Variants in OTOA observed in about 807,000 individuals in gnomAD.
OTOA encodes cancer/testis antigen 108.
In OTOA, 70 loss-of-function variants were observed where a neutral mutation model predicts 110.8. The ratio of observed to expected loss-of-function variants is 0.63; its 90% CI spans 0.52 to 0.77. The LOEUF (loss-of-function observed/expected upper bound fraction) is 0.77. OTOA is among the 30% of genes least tolerant of loss of function. The pLI, the probability that OTOA is intolerant of heterozygous loss-of-function variation, is 0.00. For missense variants in OTOA, 917 were observed against 1,075.8 expected (o/e 0.85, Z 2.06); for synonymous variants, 373 against 431.5 (o/e 0.86, Z 1.68).
intron 18 of OTOA, among the ~76,000 whole-genome samples, chr16:21,724,721 G>T (rs1898859989): frequency 6.6e-6 from 1 of 151,964 alleles, no homozygotes; most frequent in East Asian, 1.9e-4. Context: ...TATCCCCATT[G>T]TCATTCTCTT....
chr16:21,722,379 C>G (rs1196609170), intron 17 of OTOA, among the ~76,000 whole-genome samples: 1 of 147,744 alleles, frequency 6.8e-6, no homozygotes, highest in Admixed American at 6.8e-5. Flanking sequence ...CTATATATAA[C>G]TATATGTATA....
chr16:21,681,779 C>T lies in OTOA; in HGVS notation c.221C>T (p.Ala74Val). ...WTDDLSHRVL[A>V]YLNSRNVAFT... ...GATGACCTGTCCCACAGAGTCCTGG[C>T]CTATCTGAATTCCCGGAATGTTGCC... The change falls in exon 6 of 29, where the codon GCC (alanine) becomes GTC (valine). Residue 74 changes from alanine to valine, a missense_variant. Physicochemically the swap from Ala to Val is moderately conservative, Grantham distance 64. Around this residue, in one of 6 missense-constraint regions of OTOA, gnomAD observed 840 missense variants for 910.2 expected, o/e 0.92. Transcript: ENST00000646100. The T allele has an allele frequency of 6.2e-7, 1 of 1,614,026 alleles. No homozygotes were observed. The highest frequency in any genetic ancestry group is 1.1e-5 in the South Asian group (1 of 91,070).
intron 12 of OTOA, among the ~76,000 whole-genome samples, chr16:21,709,579 T>C (rs1898292124): frequency 6.6e-6 from 1 of 152,174 alleles, no homozygotes; most frequent in South Asian, 2.1e-4. Flanking sequence ...AAGAGTGTGG[T>C]GTAGTTATAA....
chr16:21,722,049 T>A (rs747320327), intron 17 of OTOA, among the ~76,000 whole-genome samples: 2 of 148,704 alleles, frequency 1.3e-5, no homozygotes, highest in East Asian at 2.0e-4. Context: ...CCTAAAAAAA[T>A]TTTTAAAAAA....
At chr16:21,728,102 T>A in intron 19 of OTOA, 139 bp from the exon 20 acceptor site, 1 of 1,043,674 alleles carries the variant, frequency 9.6e-7, no homozygotes, top group Non-Finnish European at 1.5e-6. Flanking sequence ...TGGCCTCAAA[T>A]GATCTGTCTG....
intron 9 of OTOA, among the ~76,000 whole-genome samples, chr16:21,692,324 C>T (rs888680093): frequency 5.4e-5 from 8 of 148,768 alleles, no homozygotes; most frequent in Middle Eastern, 6.8e-3. Flanking sequence ...GAGACTCCGT[C>T]TCGAAAAAAA....
intron 20 of OTOA, chr16:21,729,598 T>A (rs181280347): frequency 6.6e-6 from 1 of 152,310 alleles, no homozygotes; most frequent in Admixed American, 6.5e-5. Flanking sequence ...TATAATAACA[T>A]GTATTCACCA....
chr16:21,675,106 T>G (rs569310126), intron 1 of OTOA, among the ~76,000 whole-genome samples: 2 of 124,578 alleles, frequency 1.6e-5, no homozygotes, highest in Admixed American at 7.9e-5. Flanking sequence ...TCTTTCTTTC[T>G]TTCTTTCTTT....
At chr16:21,691,728 G>A (rs773855539) in intron 9 of OTOA, 41 bp downstream of exon 9, 2 of 1,516,284 alleles carry the variant, frequency 1.3e-6, no homozygotes, top group Non-Finnish European at 1.8e-6. Context: ...TTTGGGGGAA[G>A]AATATCTTCA....
At chr16:21,682,129 T>A (rs1031929341) in intron 6 of OTOA, among the ~76,000 whole-genome samples, 1 of 152,212 alleles carries the variant, frequency 6.6e-6, no homozygotes, top group Non-Finnish European at 1.5e-5. Flanking sequence ...AGTCCAGAGC[T>A]AAGTGGGAAA....
At chr16:21,709,737 A>G (rs1597829487) in intron 12 of OTOA, 151 bp from the exon 13 acceptor site, 2 of 729,974 alleles carry the variant, frequency 2.7e-6, no homozygotes. Flanking sequence ...GCATGGCAGG[A>G]GTCCCTTTCC....
At chr16:21,701,104 A>T in intron 11 of OTOA, 77 bp downstream of exon 11, 7 of 1,599,114 alleles carry the variant, frequency 4.4e-6, no homozygotes, top group Non-Finnish European at 4.3e-6. Flanking sequence ...GAGCAGCAAA[A>T]CACCCAGGGA....
At chr16:21,759,440 G>C (rs1900097716) in intron 28 of OTOA, among the ~76,000 whole-genome samples, 1 of 151,904 alleles carries the variant, frequency 6.6e-6, no homozygotes, top group Admixed American at 6.6e-5. Flanking sequence ...TATTCAACCA[G>C]AGGTCTGTAG....
chr16:21,705,319 G>C (rs752675991), intron 12 of OTOA, 27 bp downstream of exon 12: 14 of 1,613,014 alleles, frequency 8.7e-6, no homozygotes, highest in African/African-American at 1.3e-5. Flanking sequence ...AGGCCCTGAG[G>C]CCTCTGCCTC....
chr16:21,729,813 T>A (rs1322180686), intron 20 of OTOA: 1 of 152,206 alleles, frequency 6.6e-6, no homozygotes, highest in Non-Finnish European at 1.5e-5. Flanking sequence ...CTCCAGGTCT[T>A]TTTTTGGCTT....
intron 22 of OTOA, 105 bp downstream of exon 22, chr16:21,736,495 T>C (rs1188408649): frequency 1.5e-6 from 2 of 1,306,364 alleles, no homozygotes; most frequent in East Asian, 2.3e-5. Flanking sequence ...CTGGATGAAA[T>C]GTCTGCAAAG....
chr16:21,692,251 G>C (rs555192611), intron 9 of OTOA, among the ~76,000 whole-genome samples: 32 of 151,930 alleles, frequency 2.1e-4, no homozygotes, highest in Non-Finnish European at 4.3e-4. Flanking sequence ...CGCTTCAACT[G>C]GGGAGGCAGA....
At chr16:21,757,657 C>T (rs1200575327) in intron 28 of OTOA, among the ~76,000 whole-genome samples, 4 of 151,100 alleles carry the variant, frequency 2.6e-5, no homozygotes, top group East Asian at 3.9e-4. Flanking sequence ...CTCGCCCTGT[C>T]GCCCAGGCTG....
rs1966856824 is a variant in OTOA, at chr16:21,675,942, CTT to C, written c.-4-2567_-4-2566del. On this transcript the variant is annotated intron_variant, in intron 1 of 28. Coordinates refer to ENST00000646100, the MANE Select transcript of OTOA (RefSeq NM_144672.4). ...TTTTTATTTATTTATTAAAAAATTT[CTT>C]TGAGACAGGTTCTCGCTCTGTCACC... Among the ~76,000 whole-genome samples, 3 of 152,068 alleles carry C rather than the reference CTT, an allele frequency of 2.0e-5. 1 individual carries two copies. In the South Asian group the frequency reaches 6.2e-4, roughly 32 times the overall value.
Sources: gnomAD v4.1 joint callset for allele counts (sites outside exome capture counted in the v4.1 genomes callset) on GRCh38, gnomAD v4.1.1 for gene constraint, gnomAD v4.1.1 regional missense constraint, MANE v1.5 for transcripts, NCBI Gene and HGNC (gene_info 2026-07-23, HGNC 2026-07-21) for gene names.